ITPR1: variants seen among roughly 807,000 people sequenced by gnomAD.
ITPR1 encodes inositol 1,4,5-trisphosphate-gated calcium channel ITPR1.
A neutral mutation model predicts 318.4 loss-of-function variants in ITPR1; 96 were observed. That is an observed-to-expected ratio of 0.30 (90% CI 0.26 to 0.36). ITPR1 has a LOEUF of 0.36. Ranked by LOEUF, ITPR1 falls within the 10% of genes least tolerant of loss-of-function variation. ITPR1 has a pLI of 1.00. For missense variants in ITPR1, 2,440 were observed against 3,460.2 expected, an observed-to-expected ratio of 0.71 and a Z score of 7.40; for synonymous variants, 1,312 against 1,289.9, an observed-to-expected ratio of 1.02 and a Z score of -0.37.
chr3:4,514,085 TA>T (rs761609034), intron 2 of ITPR1, among the ~76,000 whole-genome samples: 474 of 134,948 alleles, frequency 3.5e-3, no homozygotes, highest in East Asian at 4.2e-3. Context: ...AGACTCTGTC[TA>T]AAAAAAAAAA....
At chr3:4,813,101 C>G in intron 56 of ITPR1, 41 bp from the exon 57 acceptor site, 1 of 1,473,324 alleles carries the variant, frequency 6.8e-7, no homozygotes. Context: ...TAACCATATG[C>G]TGCCAGATTG....
At chr3:4,794,128 G>A (rs1203920608) in intron 52 of ITPR1, among the ~76,000 whole-genome samples, 7 of 152,184 alleles carry the variant, frequency 4.6e-5, no homozygotes, top group Admixed American at 4.6e-4. Context: ...AACTTTGCCT[G>A]TGACATGGAC....
At chr3:4,738,393 C>G (rs1269190360) in intron 44 of ITPR1, among the ~76,000 whole-genome samples, 2 of 152,160 alleles carry the variant, frequency 1.3e-5, no homozygotes, top group Admixed American at 1.3e-4. Flanking sequence ...AACAGAGACC[C>G]TGTCACTCCT....
chr3:4,577,892 G>C (rs1264118237), intron 4 of ITPR1, among the ~76,000 whole-genome samples: 1 of 152,194 alleles, frequency 6.6e-6, no homozygotes, highest in South Asian at 2.1e-4. Context: ...TTTGGATAGA[G>C]GCCATATTGG....
At chr3:4,557,763 A>G (rs757460412) in intron 4 of ITPR1, among the ~76,000 whole-genome samples, 13 of 152,186 alleles carry the variant, frequency 8.5e-5, no homozygotes, top group Non-Finnish European at 1.8e-4. Context: ...GTGTAGGGAT[A>G]TGACTCAGAA....
At chr3:4,794,608 ACT>A (rs2125414659) in intron 52 of ITPR1, among the ~76,000 whole-genome samples, 1 of 152,174 alleles carries the variant, frequency 6.6e-6, no homozygotes, top group East Asian at 1.9e-4. Context: ...AGCGGGGCTG[ACT>A]CTGAATGCTG....
intron 4 of ITPR1, among the ~76,000 whole-genome samples, chr3:4,609,051 A>AATATGT (rs1387747146): frequency 5.2e-4 from 24 of 46,542 alleles, no homozygotes; most frequent in Non-Finnish European, 1.0e-3. Context: ...ACAACAACGA[A>AATATGT]ATATATATAT....
At chr3:4,511,742 T>C (rs1443836462) in intron 2 of ITPR1, among the ~76,000 whole-genome samples, 1 of 152,216 alleles carries the variant, frequency 6.6e-6, no homozygotes, top group African/African-American at 2.4e-5. Flanking sequence ...GGTTTGAACC[T>C]GGGCACTTTG....
intron 51 of ITPR1, among the ~76,000 whole-genome samples, chr3:4,784,563 T>C (rs2047045063): frequency 6.7e-6 from 1 of 148,378 alleles, no homozygotes; most frequent in African/African-American, 2.5e-5. Context: ...ATCTGTGTTT[T>C]TTGTTTTTTT....
chr3:4,584,163 C>T (rs1215790053), intron 4 of ITPR1, among the ~76,000 whole-genome samples: 2 of 152,064 alleles, frequency 1.3e-5, no homozygotes, highest in Non-Finnish European at 2.9e-5. Flanking sequence ...ATCTTCAGTA[C>T]CTCCTCTGAT....
chr3:4,673,247 G>T lies in ITPR1; in HGVS notation c.2316G>T (p.Glu772Asp), dbSNP rs750178066. 3 of 1,614,012 alleles carry T rather than the reference G, an allele frequency of 1.9e-6. No homozygotes were observed. Among genetic ancestry groups the T allele is most frequent in the Non-Finnish European group, 2.5e-6 (3 of 1,179,894 alleles). Residue 772 changes from glutamate (E) to aspartate (D), a missense_variant, in exon 21 of 62, where the codon GAG (glutamate) becomes GAT (aspartate). By Grantham distance (45) the Glu-to-Asp change is conservative. This residue lies in a region of ITPR1 where 478 missense variants were observed against 696.3 expected (regional missense o/e 0.69). Transcript: ENST00000649015. ...TCATTCTCCGCTGCATGTCTGACGAGAACCTGCCCTATGACCTCAGGGCGT... is the reference window on the plus strand; with the variant it reads ...TCATTCTCCGCTGCATGTCTGACGATAACCTGCCCTATGACCTCAGGGCGT... ...VDLILRCMSD[E>D]NLPYDLRASF...
intron 19 of ITPR1, 92 bp from the exon 20 acceptor site, chr3:4,670,635 AGT>A (rs2094056567): frequency 2.2e-6 from 2 of 916,852 alleles, no homozygotes; most frequent in African/African-American, 3.3e-5. Flanking sequence ...CAAAACAAAA[AGT>A]GTCTTTCCAT....
intron 57 of ITPR1, among the ~76,000 whole-genome samples, chr3:4,813,995 C>T (rs1420377474): frequency 6.6e-6 from 1 of 152,224 alleles, no homozygotes; most frequent in Non-Finnish European, 1.5e-5. Flanking sequence ...GAGGCCCTGC[C>T]GTGAAATATC....
chr3:4,704,449 G>T (rs1038339682), intron 36 of ITPR1, among the ~76,000 whole-genome samples: 3 of 152,092 alleles, frequency 2.0e-5, no homozygotes, highest in African/African-American at 7.2e-5. Flanking sequence ...TGGGTACTCT[G>T]TTCTCTATCT....
Position 4,829,970 on chromosome 3 carries a change from T to G in ITPR1, c.8029-6804T>G, listed in dbSNP as rs867341795. ...TGTATAACAGTTTTTTTTTTTTTTT[T>G]TTTTTTTTTGTGTGTGTGTGTGAAA... is the stretch of plus-strand genomic sequence containing the variant. On this transcript the variant is annotated intron_variant, in intron 60 of 61. Transcript: ENST00000649015. Among the ~76,000 whole-genome samples the G allele has an allele frequency of 7.0e-3, 759 of 108,006 alleles. 15 individuals are homozygous for G. The highest frequency in any genetic ancestry group is 0.022 in the African/African-American group (734 of 33,108). The allele number at this position is 108,006 out of a possible 152,430, so 70.9% of individuals were successfully genotyped here. A position where few individuals can be genotyped will look rare whatever the true frequency, so the allele number is the denominator to read the frequency against.
chr3:4,716,626 C>G (rs76932158), intron 39 of ITPR1, among the ~76,000 whole-genome samples: 1 of 152,202 alleles, frequency 6.6e-6, no homozygotes, highest in Non-Finnish European at 1.5e-5. Context: ...TTTCCAGCTA[C>G]TAGTGTTTCT....
intron 5 of ITPR1, among the ~76,000 whole-genome samples, chr3:4,634,510 T>G (rs1415773513): frequency 6.6e-6 from 1 of 152,056 alleles, no homozygotes; most frequent in African/African-American, 2.4e-5. Context: ...TGGCATGACT[T>G]TAAAAAATTC....
In ITPR1 at chr3:4,690,591, A is replaced by G. The variant is rs1379425085; in HGVS notation, c.3829-553A>G. On this transcript the variant is annotated intron_variant, in intron 31 of 61. Transcript: ENST00000649015. ...ACCCAACAATTCTGTTCTTAGACCC[A>G]AAAGAAGTATGGGTTTAAGTTCACC... Among the ~76,000 whole-genome samples the G allele has an allele frequency of 3.9e-5, 6 of 152,212 alleles. No individual in the cohort carries two copies. In the South Asian group the frequency reaches 1.2e-3, roughly 31 times the overall value.
intron 3 of ITPR1, among the ~76,000 whole-genome samples, chr3:4,519,095 G>A (rs992359083): frequency 1.3e-5 from 2 of 152,176 alleles, no homozygotes; most frequent in Admixed American, 6.5e-5. Context: ...ACTGAGACCG[G>A]TAGGGGTAAA....
Sources: gnomAD v4.1 joint callset for allele counts (sites outside exome capture counted in the v4.1 genomes callset) on GRCh38, gnomAD v4.1.1 for gene constraint, gnomAD v4.1.1 regional missense constraint, MANE v1.5 for transcripts, NCBI Gene and HGNC (gene_info 2026-07-23, HGNC 2026-07-21) for gene names.